Variants in CADM1 observed in about 807,000 individuals in gnomAD.
CADM1 encodes the protein TSLC-1.
Under a neutral mutation model 53.1 loss-of-function variants are expected in CADM1, and 15 were observed. The observed-to-expected ratio is 0.28, with a 90% CI of 0.19 to 0.44. CADM1 has a LOEUF of 0.44. Among genes scored for constraint, CADM1 ranks in the 20% least tolerant of loss-of-function variants. The pLI, the probability that CADM1 is intolerant of heterozygous loss-of-function variation, is 1.00. For missense variants in CADM1, 434 were observed against 611.3 expected, an observed-to-expected ratio of 0.71 and a Z score of 3.06; for synonymous variants, 281 against 243.0, an observed-to-expected ratio of 1.16 and a Z score of -1.45.
intron 1 of CADM1, among the ~76,000 whole-genome samples, chr11:115,408,239 T>TA (rs1157316741): frequency 6.6e-6 from 1 of 152,204 alleles, no homozygotes; most frequent in Non-Finnish European, 1.5e-5. Context: ...ACGTCCCCCT[T>TA]AAAAAATAGT....
intron 1 of CADM1, among the ~76,000 whole-genome samples, chr11:115,414,599 C>G (rs753022016): frequency 6.6e-6 from 1 of 152,108 alleles, no homozygotes; most frequent in Non-Finnish European, 1.5e-5. Context: ...GCTTGAATAA[C>G]AAGCCAAATC....
chr11:115,369,026 T>TAAAAAAAAAAAAAAAAAAAAAAA lies in CADM1; in HGVS notation c.125-128629_125-128607dup, dbSNP rs552309443. Among the ~76,000 whole-genome samples the TAAAAAAAAAAAAAAAAAAAAAAA allele has an allele frequency of 2.0e-4, 9 of 44,748 alleles. 1 individual carries two copies. Among genetic ancestry groups the TAAAAAAAAAAAAAAAAAAAAAAA allele is most frequent in the Non-Finnish European group, 2.9e-4 (7 of 24,310 alleles). The allele number at this position is 44,748 out of a possible 152,430, so 29.4% of individuals were successfully genotyped here. On this transcript the variant is annotated intron_variant, in intron 1 of 11. Coordinates refer to ENST00000331581, the MANE Select transcript of CADM1 (RefSeq NM_001301043.2). ...GTGCCTAGCAGAGTGAAAAAAAATC[T>TAAAAAAAAAAAAAAAAAAAAAAA]AAAAAAAAAAAAAAAAAAAAAAAAA... is the stretch of plus-strand genomic sequence containing the variant.
chr11:115,380,140 C>T (rs1437683435), intron 1 of CADM1, among the ~76,000 whole-genome samples: 1 of 152,122 alleles, frequency 6.6e-6, no homozygotes, highest in Non-Finnish European at 1.5e-5. Flanking sequence ...TACAGTTCCT[C>T]TATTTCCTTA....
chr11:115,198,547 C>A, intron 8 of CADM1, 109 bp from the exon 9 acceptor site: 1 of 786,850 alleles, frequency 1.3e-6, no homozygotes, highest in South Asian at 1.5e-5. Flanking sequence ...AGCAAGCTTT[C>A]AAAGAACATC....
chr11:115,286,734 C>A (rs1459439002), intron 1 of CADM1, among the ~76,000 whole-genome samples: 1 of 152,158 alleles, frequency 6.6e-6, no homozygotes, highest in African/African-American at 2.4e-5. Flanking sequence ...ACCTCTCCCC[C>A]CAGTTAAGGA....
intron 1 of CADM1, among the ~76,000 whole-genome samples, chr11:115,360,381 A>C (rs1268509691): frequency 2.6e-5 from 4 of 152,198 alleles, no homozygotes; most frequent in Non-Finnish European, 5.9e-5. Flanking sequence ...ACCTGCTAAC[A>C]CTGCTTACAT....
intron 8 of CADM1, among the ~76,000 whole-genome samples, chr11:115,200,849 G>A (rs1394191303): frequency 6.6e-6 from 1 of 152,174 alleles, no homozygotes; most frequent in East Asian, 1.9e-4. Flanking sequence ...AGGGCGGGGG[G>A]TGGAGTAAGA....
intron 1 of CADM1, among the ~76,000 whole-genome samples, chr11:115,420,430 C>T (rs1331807190): frequency 6.6e-6 from 1 of 152,128 alleles, no homozygotes; most frequent in Non-Finnish European, 1.5e-5. Context: ...ATTTTCTGCC[C>T]AACAAATTGC....
chr11:115,229,131 G>A lies in CADM1; in HGVS notation c.703C>T (p.Arg235Trp), dbSNP rs1481511938. The change falls in exon 5 of 12, where the codon CGG (arginine) becomes TGG (tryptophan). Residue 235 changes from arginine (R) to tryptophan (W), a missense_variant. This residue lies in a region of CADM1 where 311 missense variants were observed against 435.1 expected (regional missense o/e 0.71). Coordinates refer to ENST00000331581, the MANE Select transcript of CADM1 (RefSeq NM_001301043.2). ...TACTCACACTGTACTTCTAGATACC[G>A]CTGGGTCTGCAGGTTTCCAGTGACC... The part of the protein sequence containing the change: ...PAVTGNLQTQ[R>W]YLEVQYKPQV... 2 of 1,613,926 alleles carry A rather than the reference G, an allele frequency of 1.2e-6. No homozygotes were observed. Among genetic ancestry groups the A allele is most frequent in the Non-Finnish European group, 1.7e-6 (2 of 1,179,990 alleles).
chr11:115,238,490 C>A lies in CADM1; in HGVS notation c.424+10G>T, dbSNP rs183326317. 4 of 1,613,458 alleles carry A rather than the reference C, an allele frequency of 2.5e-6. No homozygotes were observed. The African/African-American group carries it at 5.3e-5, about 22-fold the overall frequency. On this transcript the variant is annotated intron_variant, in intron 3 of 11. Transcript: ENST00000331581. ...CATTTCCCCGGGTAAGCCCCACATG[C>A]GTTTCTTACCCAGGACTGTGATGGT...
intron 1 of CADM1, among the ~76,000 whole-genome samples, chr11:115,305,900 C>CA (rs35517673): frequency 0.028 from 2,253 of 80,584 alleles, 73 homozygotes; most frequent in African/African-American, 0.039. Flanking sequence ...GACTCCATCT[C>CA]AAAAAAAAAA....
Position 115,295,510 on chromosome 11 carries a change from A to T in CADM1, c.125-55090T>A, listed in dbSNP as rs1415194985. ...ATATGCTTTGATCAAGATATTTTAT[A>T]TATATATATATATATATATATATAT... On this transcript the variant is annotated intron_variant, in intron 1 of 11. Transcript: ENST00000331581. Among the ~76,000 whole-genome samples the T allele has an allele frequency of 4.4e-3, 115 of 26,386 alleles. 1 individual carries two copies. Among genetic ancestry groups the T allele is most frequent in the East Asian group, 0.027 (8 of 294 alleles). 17.3% of individuals were successfully genotyped at this position (26,386 alleles called of 152,430 possible).
chr11:115,215,687 A>G (rs1215923030), intron 6 of CADM1, among the ~76,000 whole-genome samples: 1 of 152,246 alleles, frequency 6.6e-6, no homozygotes, highest in Non-Finnish European at 1.5e-5. Flanking sequence ...AAAAATGCAT[A>G]CACACCAAGT....
At chr11:115,295,550 A>ATT (rs371584699) in intron 1 of CADM1, among the ~76,000 whole-genome samples, 56 of 52,984 alleles carry the variant, frequency 1.1e-3, no homozygotes, top group African/African-American at 1.5e-3. Flanking sequence ...ATATATATAT[A>ATT]ATATATATGT....
At chr11:115,254,794 G>A (rs75902375) in intron 1 of CADM1, among the ~76,000 whole-genome samples, 3,544 of 152,152 alleles carry the variant, frequency 0.023, 152 homozygotes, top group African/African-American at 0.081. Flanking sequence ...AAGAAGGAAC[G>A]TTTTCTGGAA....
chr11:115,366,994 C>A (rs2135112339), intron 1 of CADM1, among the ~76,000 whole-genome samples: 1 of 152,296 alleles, frequency 6.6e-6, no homozygotes, highest in African/African-American at 2.4e-5. Flanking sequence ...TAAAATATTT[C>A]AGACTTTGGG....
chr11:115,221,400 G>A (rs1407993623), intron 5 of CADM1, among the ~76,000 whole-genome samples: 1 of 152,036 alleles, frequency 6.6e-6, no homozygotes, highest in African/African-American at 2.4e-5. Context: ...TGCACAGAGG[G>A]TTAAACACCA....
At chr11:115,305,715 G>C (rs1337569810) in intron 1 of CADM1, among the ~76,000 whole-genome samples, 1 of 151,572 alleles carries the variant, frequency 6.6e-6, no homozygotes, top group South Asian at 2.1e-4. Context: ...TTTTTAGGAT[G>C]GGCAACAGCC....
chr11:115,278,797 A>C (rs1943512486), intron 1 of CADM1, among the ~76,000 whole-genome samples: 1 of 152,202 alleles, frequency 6.6e-6, no homozygotes, highest in South Asian at 2.1e-4. Context: ...GAGGAGCAGC[A>C]GTCTCCACAG....
Sources: gnomAD v4.1 joint callset for allele counts (sites outside exome capture counted in the v4.1 genomes callset) on GRCh38, gnomAD v4.1.1 for gene constraint, gnomAD v4.1.1 regional missense constraint, MANE v1.5 for transcripts, NCBI Gene and HGNC (gene_info 2026-07-23, HGNC 2026-07-21) for gene names.